Variants in TRPM4 observed in about 807,000 individuals in gnomAD.
The protein encoded by TRPM4 is transient receptor potential cation channel subfamily M member 4.
In TRPM4, 124 loss-of-function variants were observed where a neutral mutation model predicts 135.6. The ratio of observed to expected loss-of-function variants is 0.91; its 90% CI spans 0.79 to 1.06. The LOEUF (loss-of-function observed/expected upper bound fraction) is 1.06, where lower values mean the gene tolerates loss of function less well. Among genes scored for constraint, TRPM4 ranks in the 50% least tolerant of loss-of-function variants. The pLI is 0.00. For synonymous variants in TRPM4, 745 were observed against 705.6 expected, an observed-to-expected ratio of 1.06 and a Z score of -0.88; for missense variants, 1,658 against 1,671.4, an observed-to-expected ratio of 0.99 and a Z score of 0.14.
chr19:49,207,824 G>T (rs1969205470), intron 20 of TRPM4, among the ~76,000 whole-genome samples: 1 of 151,966 alleles, frequency 6.6e-6, no homozygotes, highest in African/African-American at 2.4e-5. Context: ...AGAGATTGTA[G>T]AAATGAAGAC....
At chr19:49,193,954 T>C (rs1440564388) in intron 16 of TRPM4, among the ~76,000 whole-genome samples, 3 of 151,328 alleles carry the variant, frequency 2.0e-5, no homozygotes, top group Non-Finnish European at 4.4e-5. Flanking sequence ...CTCCTTCTCC[T>C]CCTCTTCCTA....
intron 11 of TRPM4, 32 bp downstream of exon 11, chr19:49,182,954 C>CG: frequency 6.3e-7 from 1 of 1,581,720 alleles, no homozygotes; most frequent in Non-Finnish European, 8.6e-7. Context: ...GGGGCCCCCC[C>CG]GCGCGGGAAG....
chr19:49,190,290 C>T lies in TRPM4; in HGVS notation c.2102C>T (p.Pro701Leu). The change falls in exon 15 of 25, where the codon CCA becomes CTA. Residue 701 changes from proline (P) to leucine (L), a missense_variant. Pro to Leu is a moderately conservative substitution (Grantham distance 98, BLOSUM62 -3). Coordinates refer to ENST00000252826, the MANE Select transcript of TRPM4 (RefSeq NM_017636.4). ...CTGGTTCTCGCCTTCTTTTGCCCTCCACTCATCTACACCCGCCTCATCACC... is the reference window on the plus strand; with the variant it reads ...CTGGTTCTCGCCTTCTTTTGCCCTCTACTCATCTACACCCGCCTCATCACC... ...WALVLAFFCP[P>L]LIYTRLITFR... 6.2e-7 allele frequency: 1 copy of T among 1,614,068 alleles called. No individual in the cohort carries two copies. Among genetic ancestry groups the T allele is most frequent in the Non-Finnish European group, 8.5e-7 (1 of 1,179,934 alleles).
chr19:49,172,638 C>T (rs1407516611), intron 9 of TRPM4, among the ~76,000 whole-genome samples: 4 of 151,082 alleles, frequency 2.6e-5, no homozygotes, highest in African/African-American at 9.8e-5. Context: ...ATCCATCCAT[C>T]TTCTCACCTG....
intron 12 of TRPM4, among the ~76,000 whole-genome samples, chr19:49,186,440 G>A (rs1804033375): frequency 6.6e-6 from 1 of 152,186 alleles, no homozygotes; most frequent in South Asian, 2.1e-4. Context: ...GGTACACAAG[G>A]AAGACTTTCA....
At chr19:49,190,464 A>T in intron 15 of TRPM4, 144 bp downstream of exon 15, 1 of 858,794 alleles carries the variant, frequency 1.2e-6, no homozygotes, top group Non-Finnish European at 1.9e-6. Flanking sequence ...CCACTAAGGG[A>T]GTGCTGTGGG....
chr19:49,160,483 CA>C lies in TRPM4; in HGVS notation c.92+2241del, dbSNP rs555159944. ...TGGGTGACAGAGCAAGACTCCATCTCAAAAAAAAAAAAAAAAAGAAAGAAAG... is the reference window on the plus strand; with the variant it reads ...TGGGTGACAGAGCAAGACTCCATCTCAAAAAAAAAAAAAAAAGAAAGAAAG... On this transcript the variant is annotated intron_variant, in intron 2 of 24. Transcript: ENST00000252826. Among the ~76,000 whole-genome samples, 515 of 67,806 alleles carry C rather than the reference CA, an allele frequency of 7.6e-3. 3 individuals carry two copies. Among genetic ancestry groups the C allele is most frequent in the African/African-American group, 0.013 (278 of 21,404 alleles). 44.5% of individuals were successfully genotyped at this position (67,806 alleles called of 152,430 possible). A position where few individuals can be genotyped will look rare whatever the true frequency, so the allele number is the denominator to read the frequency against.
intron 16 of TRPM4, 62 bp from the exon 17 acceptor site, chr19:49,196,375 ATGG>A: frequency 7.1e-7 from 1 of 1,408,434 alleles, no homozygotes; most frequent in African/African-American, 1.4e-5. Flanking sequence ...AGTCTCGATG[ATGG>A]TGGAGATCAG....
intron 2 of TRPM4, among the ~76,000 whole-genome samples, 197 bp from the exon 3 acceptor site, chr19:49,165,844 G>A (rs1967149053): frequency 1.3e-5 from 2 of 152,298 alleles, no homozygotes; most frequent in South Asian, 4.1e-4. Context: ...TCCTTCCCGT[G>A]GGGAAAGGGG....
Position 49,168,398 on chromosome 19 carries a change from A to G in TRPM4, c.587A>G (p.Asn196Ser). Residue 196 changes from asparagine (N) to serine (S), a missense_variant, in exon 5 of 25, where the codon AAT becomes AGT. This residue lies in a region of TRPM4 where 1,412 missense variants were observed against 1,408.7 expected (regional missense o/e 1.00). Transcript: ENST00000252826. ...MGVAPWGVVRNRDTLINPKGS... is the reference protein window; with the variant it reads ...MGVAPWGVVRSRDTLINPKGS... ...GTGGCCCCCTGGGGTGTGGTCCGGA[A>G]TAGAGACACCCTCATCAACCCCAAG... 6.2e-7 allele frequency: 1 copy of G among 1,614,020 alleles called. No individual in the cohort carries two copies. The highest frequency in any genetic ancestry group is 8.5e-7 in the Non-Finnish European group (1 of 1,180,030).
intron 16 of TRPM4, among the ~76,000 whole-genome samples, chr19:49,193,129 G>GTC: frequency 6.8e-6 from 1 of 146,610 alleles, no homozygotes; most frequent in South Asian, 2.2e-4. Context: ...CGCCCAGGCT[G>GTC]GAGTGCAGTG....
Position 49,188,957 on chromosome 19 carries a change from G to A in TRPM4, c.1885G>A (p.Glu629Lys), listed in dbSNP as rs762104169. 3.0e-5 allele frequency: 49 copies of A among 1,613,934 alleles called. No individual in the cohort carries two copies. The highest frequency in any genetic ancestry group is 4.1e-5 in the Non-Finnish European group (48 of 1,180,032). ...FEGMGVDLFG[E>K]CYRSSEVRAA... ...CTCCTCTGCCCCAGACCTCTTTGGCGAGTGCTATCGCAGCAGTGAGGTGAG... is the reference window on the plus strand; with the variant it reads ...CTCCTCTGCCCCAGACCTCTTTGGCAAGTGCTATCGCAGCAGTGAGGTGAG... Residue 629 changes from glutamate to lysine, a missense_variant, in exon 14 of 25, where the codon GAG (glutamate) becomes AAG (lysine). Physicochemically the swap from Glu to Lys is moderately conservative, Grantham distance 56. Around this residue, in one of 3 missense-constraint regions of TRPM4, gnomAD observed 1,412 missense variants for 1,408.7 expected, o/e 1.00. Transcript: ENST00000252826.
intron 20 of TRPM4, among the ~76,000 whole-genome samples, chr19:49,204,705 A>AT (rs890600892): frequency 9.4e-5 from 14 of 148,842 alleles, no homozygotes; most frequent in South Asian, 4.3e-4. Context: ...TGTTTTTTTA[A>AT]TTTTTTTTTT....
At chr19:49,174,166 A>G (rs981282498) in intron 9 of TRPM4, among the ~76,000 whole-genome samples, 1 of 143,382 alleles carries the variant, frequency 7.0e-6, no homozygotes, top group Non-Finnish European at 1.5e-5. Flanking sequence ...GTGTGTGTGT[A>G]TTTTGAGACA....
intron 12 of TRPM4, 30 bp from the exon 13 acceptor site, chr19:49,188,611 G>T: frequency 6.2e-7 from 1 of 1,614,052 alleles, no homozygotes; most frequent in South Asian, 1.1e-5. Context: ...AACCCTCTTT[G>T]ACGCATCCGT....
At position 49,166,185 on chromosome 19, in the gene TRPM4, C is replaced by T; in HGVS notation, c.237C>T (p.Asp79=). ...EKPTDAYGEL[D]FTGAGRKHSN... is the part of the protein sequence containing the mutation. ...CCACCGATGCCTACGGAGAGCTGGA[C>T]TTCACGGGGGCCGGCCGCAAGCACA... is the stretch of plus-strand genomic sequence containing the variant. The change falls in exon 3 of 25, where the codon GAC becomes GAT. Residue 79 remains aspartate, a synonymous_variant. Coordinates refer to ENST00000252826, the MANE Select transcript of TRPM4 (RefSeq NM_017636.4). 1 of 1,608,666 alleles carries T rather than the reference C, an allele frequency of 6.2e-7. No individual in the cohort carries two copies. The highest frequency in any genetic ancestry group is 8.5e-7 in the Non-Finnish European group (1 of 1,178,334).
chr19:49,210,143 T>C lies in TRPM4; in HGVS notation c.3132-66T>C, dbSNP rs1475359747. The C allele has an allele frequency of 6.6e-7, 1 of 1,519,048 alleles. No individual in the cohort carries two copies. Among genetic ancestry groups the C allele is most frequent in the Non-Finnish European group, 9.1e-7 (1 of 1,093,222 alleles). 94.1% of individuals were successfully genotyped at this position (1,519,048 alleles called of 1,614,324 possible). On this transcript the variant is annotated intron_variant, in intron 20 of 24. Coordinates refer to ENST00000252826, the MANE Select transcript of TRPM4 (RefSeq NM_017636.4). This position sits in a 1 kb window ranked among gnomAD's most constrained non-coding sequence, Gnocchi z 4.1. ...GACTGAACAATTATTGCCTGGCATC[T>C]AACCTTCGTCCTTGCCCCTGGCTGG...
chr19:49,199,979 CTA>C (rs1254773601), intron 17 of TRPM4, among the ~76,000 whole-genome samples: 1 of 152,142 alleles, frequency 6.6e-6, no homozygotes, highest in Non-Finnish European at 1.5e-5. Context: ...TGTAAGGACT[CTA>C]TATGTTTTGC....
rs1417113562 is a variant in TRPM4, at chr19:49,157,853, G to A, written c.-14G>A. 6.5e-6 allele frequency: 10 copies of A among 1,534,624 alleles called. No individual in the cohort carries two copies. The highest frequency in any genetic ancestry group is 7.9e-6 in the Non-Finnish European group (9 of 1,146,278). The stretch of plus-strand genomic sequence containing the variant: ...GGGCCCTGGGCTGCAGGAGGTTGCG[G>A]CGGCCGCGGCAGCATGGTGGTGCCG... On this transcript the variant is annotated 5_prime_UTR_variant, in exon 1 of 25. Transcript: ENST00000252826.
Sources: allele counts gnomAD v4.1 joint callset (sites outside exome capture counted in the v4.1 genomes callset), GRCh38; gene constraint gnomAD v4.1.1; regional missense constraint gnomAD v4.1.1; non-coding constraint Gnocchi (gnomAD v3.1); transcripts MANE v1.5; gene names NCBI Gene and HGNC (gene_info 2026-07-23, HGNC 2026-07-21).